Variants in ANGPT4 observed in about 807,000 individuals in gnomAD.
The protein encoded by ANGPT4 is angiopoietin 4, also known as angiopoietin-4.
Under a neutral mutation model 53.0 loss-of-function variants are expected in ANGPT4, and 50 were observed. The ratio of observed to expected loss-of-function variants is 0.94; its 90% CI spans 0.75 to 1.20. The LOEUF (loss-of-function observed/expected upper bound fraction) is 1.20. Ranked by LOEUF, ANGPT4 falls within the 50% of genes most tolerant of loss-of-function variation. The pLI is 0.00. For synonymous variants in ANGPT4, 251 were observed against 259.7 expected (o/e 0.97, Z 0.32); for missense variants, 648 against 637.1 (o/e 1.02, Z -0.18).
At chr20:897,757 C>G (rs1381062006) in intron 1 of ANGPT4, among the ~76,000 whole-genome samples, 1 of 152,190 alleles carries the variant, frequency 6.6e-6, no homozygotes, top group Non-Finnish European at 1.5e-5. Flanking sequence ...TTAAACTTAC[C>G]TCTTCACTGT....
At chr20:885,352 G>T in intron 3 of ANGPT4, 27 bp from the exon 4 acceptor site, 1 of 1,541,792 alleles carries the variant, frequency 6.5e-7, no homozygotes. Context: ...GCACAGAGGT[G>T]AGCCTGGCAT....
intron 6 of ANGPT4, among the ~76,000 whole-genome samples, chr20:878,632 G>T (rs1174030553): frequency 6.6e-6 from 1 of 152,116 alleles, no homozygotes; most frequent in African/African-American, 2.4e-5. Flanking sequence ...TGACTGGGAG[G>T]GGGCACAAAG....
chr20:912,423 C>T (rs1306244106), intron 1 of ANGPT4, among the ~76,000 whole-genome samples: 1 of 152,178 alleles, frequency 6.6e-6, no homozygotes, highest in Non-Finnish European at 1.5e-5. Flanking sequence ...AGCCACTGAG[C>T]TGCCCAGCCC....
intron 1 of ANGPT4, among the ~76,000 whole-genome samples, chr20:912,710 T>C (rs1982752726): frequency 6.6e-6 from 1 of 150,966 alleles, no homozygotes; most frequent in Admixed American, 6.6e-5. Context: ...AGAGAAGAGG[T>C]GAGGCCGGGG....
chr20:890,593 T>C (rs6140553), intron 1 of ANGPT4, among the ~76,000 whole-genome samples: 46,140 of 151,984 alleles, frequency 0.3, 8,735 homozygotes, highest in African/African-American at 0.53. Context: ...TGCTTCCATC[T>C]TTGTCCCCTG....
intron 1 of ANGPT4, among the ~76,000 whole-genome samples, chr20:894,615 T>G (rs1340891424): frequency 6.6e-6 from 1 of 152,166 alleles, no homozygotes; most frequent in Non-Finnish European, 1.5e-5. Context: ...CTCAGACTTT[T>G]TCATGCATCA....
intron 7 of ANGPT4, 76 bp downstream of exon 7, chr20:878,085 A>G (rs1981235318): frequency 1.4e-6 from 2 of 1,480,906 alleles, no homozygotes; most frequent in Non-Finnish European, 1.8e-6. Flanking sequence ...GACTCTGTAG[A>G]CACTAGCCTG....
intron 2 of ANGPT4, among the ~76,000 whole-genome samples, chr20:888,775 C>G (rs1981719766): frequency 6.6e-6 from 1 of 152,316 alleles, no homozygotes; most frequent in South Asian, 2.1e-4. Flanking sequence ...TGCTCTGTGG[C>G]CCTCACTCTG....
rs763353908 is a variant in ANGPT4, at chr20:916,122, C to G, written c.93G>C (p.Arg31Ser). ...GCTGGACTACAAGTGTCTCGCAGCCCCTATCCGCCTCCTGCCTTGTCTGTT... is the reference window on the plus strand; with the variant it reads ...GCTGGACTACAAGTGTCTCGCAGCCGCTATCCGCCTCCTGCCTTGTCTGTT... ...VAQQTRQEAD[R>S]GCETLVVQHG... The change falls in exon 1 of 9, where the codon AGG (arginine) becomes AGC (serine). Residue 31 changes from arginine (R) to serine (S), a missense_variant. Physicochemically the swap from Arg to Ser is moderately radical, Grantham distance 110. Transcript: ENST00000381922. 2 of 1,614,074 alleles carry G rather than the reference C, an allele frequency of 1.2e-6. No homozygotes were observed. Among genetic ancestry groups the G allele is most frequent in the Non-Finnish European group, 1.7e-6 (2 of 1,180,034 alleles).
rs1982851044 is a variant in ANGPT4 at position 914,677 on chromosome 20, C to T, written c.309+1229G>A. 6.6e-6 allele frequency among the ~76,000 whole-genome samples: 1 copy of T among 152,058 alleles called. No homozygotes were observed. The highest frequency in any genetic ancestry group is 1.5e-5 in the Non-Finnish European group (1 of 67,996). ...TTCGCATCCTTCATTCCTCAGTCAT[C>T]GCCCAGACTGTCTCCTGGGTCCCTC... On this transcript the variant is annotated intron_variant, in intron 1 of 8. Transcript: ENST00000381922. The surrounding 1 kb of genome is among the most constrained non-coding windows in gnomAD (Gnocchi z 5.0).
At chr20:891,489 T>C (rs1261404027) in intron 1 of ANGPT4, among the ~76,000 whole-genome samples, 1 of 152,214 alleles carries the variant, frequency 6.6e-6, no homozygotes, top group African/African-American at 2.4e-5. Context: ...GCTCGGTGCC[T>C]GCAGGCAGAG....
At position 890,268 on chromosome 20, in the gene ANGPT4, C is replaced by G. The variant is rs13043898; in HGVS notation, c.410G>C (p.Ser137Thr). The stretch of plus-strand genomic sequence containing the variant: ...CTGGGCAGTGGTCTGGTTCAGGAGG[C>G]TGGTGCCCAGCTCTAGCATGGGGGC... ...QTAPMLELGTSLLNQTTAQIR... is the reference protein window; with the variant it reads ...QTAPMLELGTTLLNQTTAQIR... The change falls in exon 2 of 9, where the codon AGC becomes ACC. Residue 137 changes from serine (S) to threonine (T), a missense_variant. Physicochemically the swap from Ser to Thr is moderately conservative, Grantham distance 58. Transcript: ENST00000381922. 6.2e-7 allele frequency: 1 copy of G among 1,614,022 alleles called. No homozygotes were observed. Among genetic ancestry groups the G allele is most frequent in the Non-Finnish European group, 8.5e-7 (1 of 1,180,000 alleles).
intron 3 of ANGPT4, 107 bp from the exon 4 acceptor site, chr20:885,432 A>G (rs1981584761): frequency 7.1e-7 from 1 of 1,413,958 alleles, no homozygotes; most frequent in African/African-American, 1.5e-5. Context: ...ATGAGACTCA[A>G]GTGTGGTGGA....
chr20:908,636 T>C lies in ANGPT4; in HGVS notation c.309+7270A>G, dbSNP rs1176321029. ...ATGGTCTTCCTTGCTCACTACTAAATCCTTGTCACTTGCATGGCGCCTGGC... is the reference window on the plus strand; with the variant it reads ...ATGGTCTTCCTTGCTCACTACTAAACCCTTGTCACTTGCATGGCGCCTGGC... On this transcript the variant is annotated intron_variant, in intron 1 of 8. Coordinates refer to ENST00000381922, the MANE Select transcript of ANGPT4 (RefSeq NM_015985.4). The surrounding 1 kb of genome is among the most constrained non-coding windows in gnomAD (Gnocchi z 4.9). Among the ~76,000 whole-genome samples, 1 of 152,190 alleles carries C rather than the reference T, an allele frequency of 6.6e-6. No individual in the cohort carries two copies. Among genetic ancestry groups the C allele is most frequent in the African/African-American group, 2.4e-5 (1 of 41,432 alleles).
In ANGPT4 at chr20:911,856, G is replaced by C. The variant is rs1471014826; in HGVS notation, c.309+4050C>G. 2.7e-5 allele frequency among the ~76,000 whole-genome samples: 2 copies of C among 74,212 alleles called. No homozygotes were observed. Among genetic ancestry groups the C allele is most frequent in the East Asian group, 7.1e-4 (2 of 2,824 alleles). The allele number at this position is 74,212 out of a possible 152,430, so 48.7% of individuals were successfully genotyped here. On this transcript the variant is annotated intron_variant, in intron 1 of 8. Coordinates refer to ENST00000381922, the MANE Select transcript of ANGPT4 (RefSeq NM_015985.4). The surrounding 1 kb of genome is among the most constrained non-coding windows in gnomAD (Gnocchi z 4.9). ...AGAGGGAGAGAGGGACAGAGAGAGG[G>C]AGAGAGAGACAGAGAGAGGGAGAAA... is the stretch of plus-strand genomic sequence containing the variant.
In ANGPT4 at chr20:908,082, A is replaced by G. The variant is rs776746840; in HGVS notation, c.309+7824T>C. The stretch of plus-strand genomic sequence containing the variant: ...TTGGTGGCTGAGGCTGATCCTGCAG[A>G]TGGGGTGACAGGGATAAGATTAGGG... On this transcript the variant is annotated intron_variant, in intron 1 of 8. Transcript: ENST00000381922. The surrounding 1 kb of genome is among the most constrained non-coding windows in gnomAD (Gnocchi z 4.9). 6.6e-6 allele frequency among the ~76,000 whole-genome samples: 1 copy of G among 152,100 alleles called. No individual in the cohort carries two copies. Among genetic ancestry groups the G allele is most frequent in the Non-Finnish European group, 1.5e-5 (1 of 68,018 alleles).
At position 914,379 on chromosome 20, in the gene ANGPT4, C is replaced by CTG. The variant is rs1465987201; in HGVS notation, c.309+1525_309+1526dup. On this transcript the variant is annotated intron_variant, in intron 1 of 8. Transcript: ENST00000381922. The surrounding 1 kb of genome is among the most constrained non-coding windows in gnomAD (Gnocchi z 5.0). ...AGATGGCGCTGGAGAGGATAGGAGG[C>CTG]TGGGGTAAGCAAAGTGGGAGTCTGG... Among the ~76,000 whole-genome samples, 2 of 151,998 alleles carry CTG rather than the reference C, an allele frequency of 1.3e-5. No homozygotes were observed. Among genetic ancestry groups the CTG allele is most frequent in the African/African-American group, 2.4e-5 (1 of 41,348 alleles).
rs537789160 is a variant in ANGPT4, at chr20:911,385, G to A, written c.309+4521C>T. On this transcript the variant is annotated intron_variant, in intron 1 of 8. Coordinates refer to ENST00000381922, the MANE Select transcript of ANGPT4 (RefSeq NM_015985.4). The surrounding 1 kb of genome is among the most constrained non-coding windows in gnomAD (Gnocchi z 4.9). Reference sequence around the variant, plus strand: ...CAGAGGAGGAAGAGAAAGAGGCCTCGGCTGAGCAGCCAGCTGCAGGGTGGG... The same window carrying A: ...CAGAGGAGGAAGAGAAAGAGGCCTCAGCTGAGCAGCCAGCTGCAGGGTGGG... Among the ~76,000 whole-genome samples the A allele has an allele frequency of 5.3e-5, 8 of 152,352 alleles. No individual in the cohort carries two copies. The South Asian group carries it at 1.2e-3, about 24-fold the overall frequency.
rs1266868308 is a variant in ANGPT4, at chr20:915,941, G to C, written c.274C>G (p.Gln92Glu). Reference sequence around the variant, plus strand: ...CACTGCGTGTTGTTCTGCAGTGCCTGCTCCAGCTGTTTCACCTGCTGGGTG... The same window carrying C: ...CACTGCGTGTTGTTCTGCAGTGCCTCCTCCAGCTGTTTCACCTGCTGGGTG... Reference protein sequence around the residue: ...LPTQQVKQLEQALQNNTQWLK... With the variant: ...LPTQQVKQLEEALQNNTQWLK... Residue 92 changes from glutamine to glutamate, a missense_variant, in exon 1 of 9, where the codon CAG becomes GAG. Gln to Glu is a conservative substitution (Grantham distance 29). Coordinates refer to ENST00000381922, the MANE Select transcript of ANGPT4 (RefSeq NM_015985.4). 4 of 1,602,826 alleles carry C rather than the reference G, an allele frequency of 2.5e-6. No individual in the cohort carries two copies. The highest frequency in any genetic ancestry group is 1.7e-5 in the Admixed American group (1 of 59,644).
Sources: gnomAD v4.1 joint callset for allele counts (sites outside exome capture counted in the v4.1 genomes callset) on GRCh38, gnomAD v4.1.1 for gene constraint, Gnocchi (gnomAD v3.1) non-coding constraint, MANE v1.5 for transcripts, NCBI Gene and HGNC (gene_info 2026-07-23, HGNC 2026-07-21) for gene names.